The following MBD5 variants were observed in gnomAD, a reference collection of about 807,000 sequenced individuals.
MBD5 encodes methyl-CpG-binding domain protein 5.
Under a neutral mutation model 117.3 loss-of-function variants are expected in MBD5, and 13 were observed. The observed-to-expected ratio is 0.11, with a 90% CI of 0.07 to 0.18. The LOEUF is 0.18. MBD5 is among the 10% of genes least tolerant of loss of function. MBD5 has a pLI of 1.00. For synonymous variants in MBD5, 727 were observed against 766.4 expected, an observed-to-expected ratio of 0.95 and a Z score of 0.85; for missense variants, 1,879 against 2,093.8, an observed-to-expected ratio of 0.90 and a Z score of 2.00.
chr2:148,244,751 G>T (rs1217929658), intron 3 of MBD5, among the ~76,000 whole-genome samples: 1 of 152,116 alleles, frequency 6.6e-6, no homozygotes, highest in African/African-American at 2.4e-5. Context: ...AATGGACCTG[G>T]ATTTGCAGGT....
intron 1 of MBD5, among the ~76,000 whole-genome samples, chr2:148,163,022 A>T (rs1290394038): frequency 1.3e-5 from 2 of 152,334 alleles, no homozygotes; most frequent in South Asian, 4.1e-4. Context: ...AATCCACTTT[A>T]TGTCTCCACC....
intron 2 of MBD5, among the ~76,000 whole-genome samples, chr2:148,197,899 C>T (rs1322380092): frequency 6.7e-6 from 1 of 150,158 alleles, no homozygotes; most frequent in Non-Finnish European, 1.5e-5. Flanking sequence ...CTGCAACCTC[C>T]ACCTCCCGGG....
At chr2:148,113,433 A>G (rs1386963242) in intron 1 of MBD5, among the ~76,000 whole-genome samples, 1 of 152,222 alleles carries the variant, frequency 6.6e-6, no homozygotes, top group Non-Finnish European at 1.5e-5. Flanking sequence ...AACAGATTCC[A>G]ATCTTGCTCA....
intron 1 of MBD5, among the ~76,000 whole-genome samples, chr2:148,118,606 A>C (rs1448866763): frequency 6.6e-6 from 1 of 151,586 alleles, no homozygotes; most frequent in Non-Finnish European, 1.5e-5. Flanking sequence ...AAAAAAAAAA[A>C]CTATTAAAAT....
intron 4 of MBD5, among the ~76,000 whole-genome samples, chr2:148,388,732 T>C (rs1241398007): frequency 6.6e-6 from 1 of 152,198 alleles, no homozygotes; most frequent in Non-Finnish European, 1.5e-5. Context: ...TGACCTTTTC[T>C]CTGTGCATGC....
rs1682330466 is a variant in MBD5 at position 148,515,634 on chromosome 2, G to A, written c.*2693G>A. The A allele has an allele frequency of 6.6e-6, 1 of 151,998 alleles. No individual in the cohort carries two copies. Among genetic ancestry groups the A allele is most frequent in the Non-Finnish European group, 1.5e-5 (1 of 67,978 alleles). The allele number at this position is 151,998 out of a possible 1,614,324, so 9.4% of individuals were successfully genotyped here. Reference sequence around the variant, plus strand: ...TTTAAATGAAGGCTAGGCCTTCTATGTTACCAAAATTTTTATTCCCTAAAA... The same window carrying A: ...TTTAAATGAAGGCTAGGCCTTCTATATTACCAAAATTTTTATTCCCTAAAA... On this transcript the variant is annotated 3_prime_UTR_variant, in exon 14 of 14. Coordinates refer to ENST00000642680, the MANE Select transcript of MBD5 (RefSeq NM_001378120.1).
intron 3 of MBD5, among the ~76,000 whole-genome samples, chr2:148,288,399 C>CAAAAAAAAAAAAAAAA (rs569673565): frequency 3.4e-4 from 13 of 37,760 alleles, no homozygotes; most frequent in African/African-American, 8.6e-4. Context: ...GACTCCGTCT[C>CAAAAAAAAAAAAAAAA]AAAAAAAAAA....
intron 4 of MBD5, among the ~76,000 whole-genome samples, chr2:148,390,212 C>T (rs553105348): frequency 2.6e-5 from 4 of 152,060 alleles, no homozygotes; most frequent in Admixed American, 2.6e-4. Context: ...TTGTCTTTGT[C>T]TAATATCAGT....
chr2:148,431,079 T>C (rs899573291), intron 4 of MBD5, among the ~76,000 whole-genome samples: 2 of 152,094 alleles, frequency 1.3e-5, no homozygotes, highest in African/African-American at 4.8e-5. Flanking sequence ...GAACAAGAAC[T>C]CAAAGCCACT....
At chr2:148,341,794 A>G (rs949138676) in intron 3 of MBD5, among the ~76,000 whole-genome samples, 1 of 151,968 alleles carries the variant, frequency 6.6e-6, no homozygotes, top group Non-Finnish European at 1.5e-5. Flanking sequence ...TCACCATTAT[A>G]TCTCCAGTGC....
intron 4 of MBD5, among the ~76,000 whole-genome samples, chr2:148,441,749 A>G (rs1706331978): frequency 6.6e-6 from 1 of 151,764 alleles, no homozygotes; most frequent in South Asian, 2.1e-4. Flanking sequence ...CTATTTCTCC[A>G]CATCCTCTCC....
intron 1 of MBD5, among the ~76,000 whole-genome samples, chr2:148,130,543 G>A (rs1251716576): frequency 7.9e-6 from 1 of 127,276 alleles, no homozygotes; most frequent in Non-Finnish European, 1.7e-5. Flanking sequence ...ACAAAATACT[G>A]GCTGTGTGAT....
At chr2:148,241,388 C>T (rs1444605270) in intron 3 of MBD5, among the ~76,000 whole-genome samples, 1 of 152,088 alleles carries the variant, frequency 6.6e-6, no homozygotes, top group Non-Finnish European at 1.5e-5. Context: ...TGAGGTGTTA[C>T]TAATCTGCTT....
chr2:148,138,881 A>G (rs1286134962), intron 1 of MBD5, among the ~76,000 whole-genome samples: 2 of 152,012 alleles, frequency 1.3e-5, no homozygotes, highest in Non-Finnish European at 2.9e-5. Flanking sequence ...GAAGAATGAT[A>G]AACAATTGAT....
At chr2:148,487,110 T>C (rs1681362479) in intron 10 of MBD5, among the ~76,000 whole-genome samples, 1 of 152,196 alleles carries the variant, frequency 6.6e-6, no homozygotes, top group Non-Finnish European at 1.5e-5. Context: ...GAAAATTAGG[T>C]AGACTTACAT....
At chr2:148,431,337 C>T (rs756611424) in intron 4 of MBD5, among the ~76,000 whole-genome samples, 1 of 152,072 alleles carries the variant, frequency 6.6e-6, no homozygotes, top group Non-Finnish European at 1.5e-5. Context: ...AACAACACAA[C>T]TCATATTGGA....
At chr2:148,474,451 T>C (rs1257270173) in intron 8 of MBD5, among the ~76,000 whole-genome samples, 1 of 152,154 alleles carries the variant, frequency 6.6e-6, no homozygotes, top group Admixed American at 6.6e-5. Context: ...CTTCTTCCAA[T>C]ATGATAAAGT....
At chr2:148,323,758 G>C (rs578155967) in intron 3 of MBD5, among the ~76,000 whole-genome samples, 298 of 152,240 alleles carry the variant, frequency 2.0e-3, no homozygotes, top group African/African-American at 6.9e-3. Flanking sequence ...TGTCAGATGA[G>C]TAGGTTGCAA....
At chr2:148,378,540 T>C (rs1204235239) in intron 4 of MBD5, among the ~76,000 whole-genome samples, 2 of 152,116 alleles carry the variant, frequency 1.3e-5, no homozygotes, top group Non-Finnish European at 2.9e-5. Context: ...GTTTTAGTTT[T>C]TATACTATAT....
Sources: allele counts gnomAD v4.1 joint callset (sites outside exome capture counted in the v4.1 genomes callset), GRCh38; gene constraint gnomAD v4.1.1; transcripts MANE v1.5; gene names NCBI Gene and HGNC (gene_info 2026-07-23, HGNC 2026-07-21).